The following PIK3C3 variants were observed in gnomAD, a reference collection of about 807,000 sequenced individuals.
PIK3C3 encodes phosphatidylinositol 3-kinase catalytic subunit type 3.
A neutral mutation model predicts 126.1 loss-of-function variants in PIK3C3; 95 were observed. The ratio of observed to expected loss-of-function variants is 0.75; its 90% CI spans 0.64 to 0.89. PIK3C3 has a LOEUF of 0.89. Ranked by LOEUF, PIK3C3 falls within the 40% of genes least tolerant of loss-of-function variation. The pLI is 0.00. For missense variants in PIK3C3, 829 were observed against 1,063.2 expected (o/e 0.78, Z 3.06); for synonymous variants, 374 against 360.0 (o/e 1.04, Z -0.44).
chr18:41,990,658 G>C, intron 6 of PIK3C3, 104 bp downstream of exon 6: 1 of 637,524 alleles, frequency 1.6e-6, no homozygotes, highest in Non-Finnish European at 2.8e-6. Flanking sequence ...TTGCAGGGTA[G>C]CAGCAGACAG....
chr18:41,963,808 A>T (rs1457745013), intron 3 of PIK3C3, among the ~76,000 whole-genome samples: 1 of 147,744 alleles, frequency 6.8e-6, no homozygotes, highest in East Asian at 2.0e-4. Flanking sequence ...TATAATTCAC[A>T]TATCATAAAA....
rs1488362525 is a variant in PIK3C3, at chr18:42,082,448, A to T, written c.*1311A>T. On this transcript the variant is annotated 3_prime_UTR_variant, in exon 25 of 25. Transcript: ENST00000262039. ...TTTGTATAAAACATACCTGCTGATT[A>T]GAAAAATGGTAAAAATGAAAATACC... 1 of 152,232 alleles carries T rather than the reference A, an allele frequency of 6.6e-6. No homozygotes were observed. Among genetic ancestry groups the T allele is most frequent in the Non-Finnish European group, 1.5e-5 (1 of 68,038 alleles). The allele number at this position is 152,232 out of a possible 1,614,324, so 9.4% of individuals were successfully genotyped here.
chr18:42,027,716 G>A (rs950268305), intron 14 of PIK3C3, among the ~76,000 whole-genome samples, 168 bp downstream of exon 14: 4 of 152,124 alleles, frequency 2.6e-5, no homozygotes, highest in Non-Finnish European at 5.9e-5. Flanking sequence ...GTACAGTGGT[G>A]CCATCTCAGC....
chr18:42,073,550 A>C (rs1283437301), intron 24 of PIK3C3, among the ~76,000 whole-genome samples: 1 of 152,116 alleles, frequency 6.6e-6, no homozygotes, highest in African/African-American at 2.4e-5. Flanking sequence ...CAAAATTGAA[A>C]ATTCTGAGTG....
chr18:41,966,589 A>G (rs2144303917), intron 3 of PIK3C3, among the ~76,000 whole-genome samples: 1 of 152,296 alleles, frequency 6.6e-6, no homozygotes, highest in South Asian at 2.1e-4. Flanking sequence ...ATTTAACATT[A>G]GTGGGTAATA....
In PIK3C3 at chr18:41,955,246, C is replaced by A; in HGVS notation, c.-46C>A. The A allele has an allele frequency of 6.5e-7, 1 of 1,532,698 alleles. No individual in the cohort carries two copies. Among genetic ancestry groups the A allele is most frequent in the Non-Finnish European group, 9.0e-7 (1 of 1,111,084 alleles). The allele number at this position is 1,532,698 out of a possible 1,614,324, so 94.9% of individuals were successfully genotyped here. A position where few individuals can be genotyped will look rare whatever the true frequency, so the allele number is the denominator to read the frequency against. On this transcript the variant is annotated 5_prime_UTR_variant, in exon 1 of 25. It adds an upstream start codon to the 5' untranslated region. Coordinates refer to ENST00000262039, the MANE Select transcript of PIK3C3 (RefSeq NM_002647.4). Reference sequence around the variant, plus strand: ...AGCTGGTTCATTTATGTTGTTTTTCCTGTACCTAAGTTCCCGCTGTAGGTG... The same window carrying A: ...AGCTGGTTCATTTATGTTGTTTTTCATGTACCTAAGTTCCCGCTGTAGGTG...
intron 4 of PIK3C3, among the ~76,000 whole-genome samples, chr18:41,985,279 A>T (rs981105164): frequency 1.3e-5 from 2 of 152,194 alleles, no homozygotes; most frequent in African/African-American, 4.8e-5. Flanking sequence ...TTAGGCCACT[A>T]AGTTTTAGGG....
intron 2 of PIK3C3, among the ~76,000 whole-genome samples, chr18:41,958,121 G>A (rs1326533851): frequency 1.3e-5 from 2 of 152,102 alleles, no homozygotes; most frequent in South Asian, 2.1e-4. Flanking sequence ...CTGATGTTTG[G>A]AGCTCAGATT....
At chr18:42,029,083 G>A (rs1366911719) in intron 14 of PIK3C3, among the ~76,000 whole-genome samples, 3 of 152,114 alleles carry the variant, frequency 2.0e-5, no homozygotes, top group Non-Finnish European at 2.9e-5. Flanking sequence ...AAAAAAATGC[G>A]GTTGTAGATA....
At position 41,966,663 on chromosome 18, in the gene PIK3C3, C is replaced by T. The variant is rs550042112; in HGVS notation, c.402-3664C>T. ...TTTTAGAAATTGAAGCAAAAGAATCCCTAGTGAATACAAATGATATGAAAT... is the reference window on the plus strand; with the variant it reads ...TTTTAGAAATTGAAGCAAAAGAATCTCTAGTGAATACAAATGATATGAAAT... On this transcript the variant is annotated intron_variant, in intron 3 of 24. Transcript: ENST00000262039. Among the ~76,000 whole-genome samples the T allele has an allele frequency of 1.6e-4, 25 of 151,882 alleles. No individual in the cohort carries two copies. In the South Asian group the frequency reaches 5.2e-3, roughly 32 times the overall value.
intron 2 of PIK3C3, among the ~76,000 whole-genome samples, chr18:41,958,589 A>G (rs930576469): frequency 2.3e-4 from 35 of 152,308 alleles, no homozygotes; most frequent in African/African-American, 8.2e-4. Flanking sequence ...ATCTGGCCAT[A>G]TCGAAACCAA....
intron 10 of PIK3C3, among the ~76,000 whole-genome samples, chr18:42,008,792 C>T (rs1982667226): frequency 6.6e-6 from 1 of 151,828 alleles, no homozygotes. Context: ...TCTGTACTTA[C>T]TATTGAAGTT....
intron 21 of PIK3C3, among the ~76,000 whole-genome samples, chr18:42,056,368 C>T (rs1260918181): frequency 1.3e-5 from 2 of 152,072 alleles, no homozygotes; most frequent in Non-Finnish European, 2.9e-5. Flanking sequence ...AACAGTGATA[C>T]ATAGCCAATA....
intron 15 of PIK3C3, among the ~76,000 whole-genome samples, chr18:42,032,023 G>A (rs965044867): frequency 7.2e-5 from 11 of 152,204 alleles, no homozygotes; most frequent in Non-Finnish European, 1.3e-4. Context: ...AAAACAGGAA[G>A]GGGGATTAGG....
At chr18:41,998,570 T>C (rs906270946) in intron 9 of PIK3C3, among the ~76,000 whole-genome samples, 1 of 152,204 alleles carries the variant, frequency 6.6e-6, no homozygotes, top group African/African-American at 2.4e-5. Context: ...CTTCTAGATA[T>C]GTGCAAAAGA....
intron 1 of PIK3C3, among the ~76,000 whole-genome samples, chr18:41,956,193 G>A (rs1206242871): frequency 6.6e-6 from 1 of 152,056 alleles, no homozygotes; most frequent in Admixed American, 6.6e-5. Context: ...AATATGTGTC[G>A]GTCAAAGGCC....
chr18:41,979,308 A>T (rs1418262211), intron 4 of PIK3C3, among the ~76,000 whole-genome samples: 1 of 152,162 alleles, frequency 6.6e-6, no homozygotes, highest in Non-Finnish European at 1.5e-5. Flanking sequence ...TGCCTTTGTG[A>T]CCAGCTCCCA....
chr18:41,995,189 C>CA (rs1349759943), intron 7 of PIK3C3, among the ~76,000 whole-genome samples: 1 of 151,930 alleles, frequency 6.6e-6, no homozygotes, highest in African/African-American at 2.4e-5. Flanking sequence ...AGCCAAAAGA[C>CA]AGTTAACAAA....
chr18:42,012,189 A>T lies in PIK3C3; in HGVS notation c.1171-1253A>T, dbSNP rs1982859013. On this transcript the variant is annotated intron_variant, in intron 10 of 24. Transcript: ENST00000262039. Reference sequence around the variant, plus strand: ...GCTACAAACCTTCATTCTGTAAAAAAAAAAAAAAAATGCAATGTGTGCAAG... The same window carrying T: ...GCTACAAACCTTCATTCTGTAAAAATAAAAAAAAAATGCAATGTGTGCAAG... Among the ~76,000 whole-genome samples the T allele has an allele frequency of 2.6e-5, 4 of 152,124 alleles. No individual in the cohort carries two copies. In the South Asian group the frequency reaches 8.3e-4, roughly 32 times the overall value.
Sources: allele counts gnomAD v4.1 joint callset (sites outside exome capture counted in the v4.1 genomes callset), GRCh38; gene constraint gnomAD v4.1.1; transcripts MANE v1.5; gene names NCBI Gene and HGNC (gene_info 2026-07-23, HGNC 2026-07-21).